KDM5B: variants seen among roughly 807,000 people sequenced by gnomAD.
KDM5B encodes lysine-specific demethylase 5B.
Under a neutral mutation model 193.4 loss-of-function variants are expected in KDM5B, and 144 were observed. That is an observed-to-expected ratio of 0.74 (90% confidence interval 0.65 to 0.86). The LOEUF (loss-of-function observed/expected upper bound fraction) is 0.86, where lower values mean the gene tolerates loss of function less well. KDM5B is among the 40% of genes least tolerant of loss of function. The pLI, the probability that KDM5B is intolerant of heterozygous loss-of-function variation, is 0.00. For synonymous variants in KDM5B, 668 were observed against 682.6 expected (o/e 0.98, Z 0.33); for missense variants, 1,833 against 1,886.9 (o/e 0.97, Z 0.53).
intron 1 of KDM5B, among the ~76,000 whole-genome samples, chr1:202,799,118 A>T (rs1657970336): frequency 6.6e-6 from 1 of 152,222 alleles, no homozygotes; most frequent in South Asian, 2.1e-4. Flanking sequence ...GACTCTTCTT[A>T]GCAATGAGCA....
At chr1:202,739,627 G>C (rs1004567919) in intron 20 of KDM5B, among the ~76,000 whole-genome samples, 21 of 152,220 alleles carry the variant, frequency 1.4e-4, no homozygotes, top group South Asian at 6.2e-4. Context: ...TGCGGCCTTC[G>C]GCAGTGTTTG....
intron 24 of KDM5B, among the ~76,000 whole-genome samples, chr1:202,731,381 A>G (rs1021459809): frequency 5.9e-5 from 9 of 152,242 alleles, no homozygotes; most frequent in African/African-American, 2.2e-4. Flanking sequence ...AAGCACAGAA[A>G]CAGACTGATG....
Position 202,730,539 on chromosome 1 carries a change from G to A in KDM5B, c.4176+370C>T, listed in dbSNP as rs367795938. ...TGCCATACTACTTGGTATGGCAAAT[G>A]AAATTTGCCATGAAAAATGAAATTC... On this transcript the variant is annotated intron_variant, in intron 25 of 26. Transcript: ENST00000367265. Among the ~76,000 whole-genome samples, 6 of 152,266 alleles carry A rather than the reference G, an allele frequency of 3.9e-5. No homozygotes were observed. In the East Asian group the frequency reaches 9.7e-4, roughly 25 times the overall value.
Position 202,732,942 on chromosome 1 carries a change from G to A in KDM5B, c.3909+459C>T, listed in dbSNP as rs1360623656. On this transcript the variant is annotated intron_variant, in intron 23 of 26. Transcript: ENST00000367265. ...AGGAGCTTTCCTCTGAAATAACACA[G>A]TGCTCAAACACTTCTTCCAAAAAAT... 6.6e-5 allele frequency among the ~76,000 whole-genome samples: 10 copies of A among 152,186 alleles called. 1 individual carries two copies. The highest frequency in any genetic ancestry group is 6.5e-4 in the Admixed American group (10 of 15,284).
At chr1:202,806,167 C>T (rs1354112978) in intron 1 of KDM5B, among the ~76,000 whole-genome samples, 2 of 152,088 alleles carry the variant, frequency 1.3e-5, no homozygotes, top group African/African-American at 4.8e-5. Context: ...GAAAAAGGGC[C>T]CTCTAAAAGG....
At chr1:202,764,391 C>T (rs1052726638) in intron 5 of KDM5B, among the ~76,000 whole-genome samples, 2 of 152,068 alleles carry the variant, frequency 1.3e-5, no homozygotes, top group African/African-American at 4.8e-5. Context: ...AATCGCAGCA[C>T]TTTGGGAGGC....
intron 10 of KDM5B, among the ~76,000 whole-genome samples, chr1:202,755,764 G>A (rs1488024652): frequency 6.6e-6 from 1 of 152,116 alleles, no homozygotes; most frequent in African/African-American, 2.4e-5. Flanking sequence ...TCAGGATAGT[G>A]ATTATCCTGA....
rs35527316 is a variant in KDM5B at position 202,792,244 on chromosome 1, A to ATT, written c.205-15152_205-15151dup. On this transcript the variant is annotated intron_variant, in intron 1 of 26. Coordinates refer to ENST00000367265, the MANE Select transcript of KDM5B (RefSeq NM_006618.5). ...TATTTTGAGGGATTTTGGTGTTTAGATTTTTTTTTTTTTTTTGAGAATTCC... is the reference window on the plus strand; with the variant it reads ...TATTTTGAGGGATTTTGGTGTTTAGATTTTTTTTTTTTTTTTTTGAGAATTCC... Among the ~76,000 whole-genome samples the ATT allele has an allele frequency of 4.5e-4, 62 of 137,714 alleles. 1 individual carries two copies. The highest frequency in any genetic ancestry group is 2.1e-3 in the East Asian group (10 of 4,822). The allele number at this position is 137,714 out of a possible 152,430, so 90.3% of individuals were successfully genotyped here.
intron 14 of KDM5B, 66 bp from the exon 15 acceptor site, chr1:202,746,389 A>C: frequency 2.0e-5 from 19 of 966,176 alleles, no homozygotes; most frequent in Non-Finnish European, 2.5e-5. Flanking sequence ...CAAGACAAAC[A>C]TGCAGTAGTA....
intron 2 of KDM5B, 43 bp downstream of exon 2, chr1:202,776,974 C>A (rs772155266): frequency 1.7e-6 from 2 of 1,192,520 alleles, no homozygotes; most frequent in Non-Finnish European, 2.5e-6. Flanking sequence ...CAAAGACGGT[C>A]CCCCTGGAAT....
chr1:202,755,736 A>G lies in KDM5B; in HGVS notation c.1357-284T>C, dbSNP rs1444172605. Among the ~76,000 whole-genome samples, 10 of 152,146 alleles carry G rather than the reference A, an allele frequency of 6.6e-5. 1 individual carries two copies. The highest frequency in any genetic ancestry group is 6.6e-4 in the Admixed American group (10 of 15,264). Reference sequence around the variant, plus strand: ...AACAAAGTTCAAAATCAGGCAAACTAATCTATAGTGTTAGAAGTCAGGATA... The same window carrying G: ...AACAAAGTTCAAAATCAGGCAAACTGATCTATAGTGTTAGAAGTCAGGATA... On this transcript the variant is annotated intron_variant, in intron 10 of 26. Transcript: ENST00000367265.
At chr1:202,785,355 T>C (rs1657365051) in intron 1 of KDM5B, among the ~76,000 whole-genome samples, 1 of 152,182 alleles carries the variant, frequency 6.6e-6, no homozygotes, top group Non-Finnish European at 1.5e-5. Context: ...ATTTTCCCAT[T>C]GTTATTTCTC....
Position 202,804,865 on chromosome 1 carries a change from C to CAAAA in KDM5B, c.204+3233_204+3236dup, listed in dbSNP as rs35989953. Among the ~76,000 whole-genome samples the CAAAA allele has an allele frequency of 4.3e-3, 341 of 78,826 alleles. 1 individual carries two copies. The highest frequency in any genetic ancestry group is 0.01 in the African/African-American group (169 of 16,144). The allele number at this position is 78,826 out of a possible 152,430, so 51.7% of individuals were successfully genotyped here. ...GGGCAACAAGAGCAAAATTCCGTCT[C>CAAAA]AAAAAAAAAAAAAAAAAGAAATTTG... On this transcript the variant is annotated intron_variant, in intron 1 of 26. Coordinates refer to ENST00000367265, the MANE Select transcript of KDM5B (RefSeq NM_006618.5).
intron 7 of KDM5B, among the ~76,000 whole-genome samples, chr1:202,761,419 T>A (rs1214098395): frequency 6.6e-6 from 1 of 152,098 alleles, no homozygotes; most frequent in East Asian, 1.9e-4. Flanking sequence ...ACTCCAGCCA[T>A]CTCTAAAAAA....
intron 25 of KDM5B, among the ~76,000 whole-genome samples, 166 bp downstream of exon 25, chr1:202,730,743 A>G (rs1654853158): frequency 6.6e-6 from 1 of 152,238 alleles, no homozygotes; most frequent in Non-Finnish European, 1.5e-5. Flanking sequence ...GTTAAGAAAC[A>G]GGACATTAAG....
intron 1 of KDM5B, among the ~76,000 whole-genome samples, chr1:202,802,685 T>C (rs1288613678): frequency 1.3e-5 from 2 of 152,172 alleles, no homozygotes; most frequent in East Asian, 3.9e-4. Context: ...CGAGCCACTA[T>C]GCCCAGCCCT....
At chr1:202,806,903 A>T (rs927096478) in intron 1 of KDM5B, 1 of 152,212 alleles carries the variant, frequency 6.6e-6, no homozygotes, top group Non-Finnish European at 1.5e-5. Context: ...AGCCCGTCCA[A>T]CCGCCGCTTA....
chr1:202,748,229 A>G (rs533334066), intron 14 of KDM5B, among the ~76,000 whole-genome samples: 52 of 152,342 alleles, frequency 3.4e-4, no homozygotes, highest in African/African-American at 1.2e-3. Flanking sequence ...CTTGACTCAT[A>G]TTTTTGAAAA....
intron 1 of KDM5B, among the ~76,000 whole-genome samples, chr1:202,805,686 T>C (rs1219633644): frequency 6.6e-6 from 1 of 152,224 alleles, no homozygotes; most frequent in African/African-American, 2.4e-5. Flanking sequence ...ATATCAACTA[T>C]ATGAAACCAC....
Sources: allele counts gnomAD v4.1 joint callset (sites outside exome capture counted in the v4.1 genomes callset), GRCh38; gene constraint gnomAD v4.1.1; transcripts MANE v1.5; gene names NCBI Gene and HGNC (gene_info 2026-07-23, HGNC 2026-07-21).